The following DLG2 variants were observed in gnomAD, a reference collection of about 807,000 sequenced individuals.
DLG2 encodes discs large MAGUK scaffold protein 2.
Under a neutral mutation model 132.5 loss-of-function variants are expected in DLG2, and 45 were observed. That is an observed-to-expected ratio of 0.34 (90% CI 0.27 to 0.44). The LOEUF is 0.44. DLG2 is among the 20% of genes least tolerant of loss of function. The pLI is 1.00. For synonymous variants in DLG2, 424 were observed against 419.6 expected (o/e 1.01, Z -0.13); for missense variants, 1,045 against 1,196.9 (o/e 0.87, Z 1.87).
intron 7 of DLG2, among the ~76,000 whole-genome samples, chr11:84,446,721 T>C (rs1212491794): frequency 6.6e-6 from 1 of 152,176 alleles, no homozygotes; most frequent in Non-Finnish European, 1.5e-5. Flanking sequence ...CTTTCACAAA[T>C]GAGAATCCTT....
intron 3 of DLG2, among the ~76,000 whole-genome samples, chr11:85,316,413 G>A (rs781355693): frequency 6.6e-6 from 1 of 151,838 alleles, no homozygotes; most frequent in Non-Finnish European, 1.5e-5. Context: ...TTAAATATCT[G>A]GTACTATCTC....
intron 4 of DLG2, among the ~76,000 whole-genome samples, chr11:85,175,145 C>A (rs2079138465): frequency 6.6e-6 from 1 of 152,088 alleles, no homozygotes; most frequent in Non-Finnish European, 1.5e-5. Context: ...ATGCCAAAAC[C>A]TGATGGAGAT....
chr11:84,842,407 C>A (rs6592208), intron 6 of DLG2, among the ~76,000 whole-genome samples: 1 of 151,598 alleles, frequency 6.6e-6, no homozygotes, highest in Non-Finnish European at 1.5e-5. Context: ...ATTTAACTTA[C>A]CTCCTAAATG....
At chr11:84,475,220 G>A (rs1444655826) in intron 7 of DLG2, among the ~76,000 whole-genome samples, 2 of 152,078 alleles carry the variant, frequency 1.3e-5, no homozygotes, top group East Asian at 3.9e-4. Flanking sequence ...AAACCATGTT[G>A]TAGCAGTGTA....
chr11:83,578,061 C>CAT (rs1364722232), intron 19 of DLG2, among the ~76,000 whole-genome samples: 12 of 94,790 alleles, frequency 1.3e-4, no homozygotes, highest in Admixed American at 9.4e-4. Flanking sequence ...TGTGTGTATA[C>CAT]ATATATATAT....
chr11:85,590,759 A>C (rs2079269896), intron 3 of DLG2, among the ~76,000 whole-genome samples: 1 of 152,118 alleles, frequency 6.6e-6, no homozygotes, highest in African/African-American at 2.4e-5. Flanking sequence ...AACCTAGATG[A>C]GAAAGCCTAT....
At chr11:83,659,787 A>G (rs1344841783) in intron 18 of DLG2, among the ~76,000 whole-genome samples, 1 of 152,242 alleles carries the variant, frequency 6.6e-6, no homozygotes, top group Non-Finnish European at 1.5e-5. Context: ...CCATTTGCAT[A>G]CTAAACTGTA....
At chr11:84,735,360 T>G (rs1226085102) in intron 6 of DLG2, among the ~76,000 whole-genome samples, 1 of 152,174 alleles carries the variant, frequency 6.6e-6, no homozygotes, top group Non-Finnish European at 1.5e-5. Flanking sequence ...CCTGGTTTAG[T>G]CTTGGGAGGA....
intron 14 of DLG2, among the ~76,000 whole-genome samples, chr11:83,949,615 A>G (rs527381893): frequency 6.6e-6 from 1 of 152,272 alleles, no homozygotes; most frequent in Non-Finnish European, 1.5e-5. Context: ...CCTTTAATTA[A>G]TCTTTAGCAA....
At chr11:84,462,343 CA>C (rs1173546906) in intron 7 of DLG2, among the ~76,000 whole-genome samples, 1 of 150,938 alleles carries the variant, frequency 6.6e-6, no homozygotes, top group African/African-American at 2.4e-5. Context: ...TATATACTAA[CA>C]TTTTTTTAAA....
At chr11:84,784,974 A>G (rs1446562032) in intron 6 of DLG2, among the ~76,000 whole-genome samples, 1 of 152,172 alleles carries the variant, frequency 6.6e-6, no homozygotes, top group Non-Finnish European at 1.5e-5. Context: ...AATGATAACT[A>G]TGTGAGGTAA....
chr11:85,428,191 C>T (rs929749268), intron 3 of DLG2, among the ~76,000 whole-genome samples: 10 of 152,142 alleles, frequency 6.6e-5, no homozygotes, highest in African/African-American at 2.4e-4. Context: ...GACTATAACA[C>T]CCCACTGTCA....
intron 4 of DLG2, among the ~76,000 whole-genome samples, chr11:85,202,629 T>A (rs953543294): frequency 6.6e-6 from 1 of 152,108 alleles, no homozygotes; most frequent in Admixed American, 6.5e-5. Context: ...TTCTCCACAA[T>A]AGATCATATG....
intron 7 of DLG2, among the ~76,000 whole-genome samples, chr11:84,378,140 CT>C (rs747360851): frequency 3.9e-5 from 6 of 152,218 alleles, no homozygotes; most frequent in Admixed American, 6.5e-5. Context: ...GATGGGGCCC[CT>C]AAGAAAGTAA....
At chr11:85,425,735 G>C (rs562756171) in intron 3 of DLG2, among the ~76,000 whole-genome samples, 18 of 152,292 alleles carry the variant, frequency 1.2e-4, no homozygotes, top group African/African-American at 4.3e-4. Flanking sequence ...GGTGATTTCT[G>C]CATCTCCAAC....
At chr11:85,478,861 A>G (rs1597730261) in intron 3 of DLG2, among the ~76,000 whole-genome samples, 1 of 152,222 alleles carries the variant, frequency 6.6e-6, no homozygotes, top group Non-Finnish European at 1.5e-5. Context: ...TGAATCCTTA[A>G]TGCATAAAAA....
At chr11:83,467,810 T>TACACACAC (rs1213812731) in intron 25 of DLG2, among the ~76,000 whole-genome samples, 5 of 96,312 alleles carry the variant, frequency 5.2e-5, no homozygotes, top group Non-Finnish European at 1.0e-4. Context: ...TATATATATA[T>TACACACAC]ACACACACAC....
intron 3 of DLG2, among the ~76,000 whole-genome samples, chr11:85,549,899 G>A (rs4944522): frequency 0.07 from 10,655 of 152,236 alleles, 628 homozygotes; most frequent in East Asian, 0.27. Flanking sequence ...AAAAAGGGAG[G>A]AACCCTCAGT....
chr11:84,821,970 A>T (rs759706089), intron 6 of DLG2, among the ~76,000 whole-genome samples: 1 of 125,370 alleles, frequency 8.0e-6, no homozygotes, highest in Non-Finnish European at 1.9e-5. Context: ...AATATCCTAT[A>T]AAAAATTCAC....
Sources: allele counts gnomAD v4.1 joint callset (sites outside exome capture counted in the v4.1 genomes callset), GRCh38; gene constraint gnomAD v4.1.1; transcripts MANE v1.5; gene names NCBI Gene and HGNC (gene_info 2026-07-23, HGNC 2026-07-21).